BABAM2: variants seen among roughly 807,000 people sequenced by gnomAD.
BABAM2 encodes BRISC and BRCA1 A complex member 2.
In BABAM2, 31 loss-of-function variants were observed where a neutral mutation model predicts 54.7. That is an observed-to-expected ratio of 0.57 (90% CI 0.43 to 0.77). BABAM2 has a LOEUF of 0.77. BABAM2 is among the 30% of genes least tolerant of loss of function. BABAM2 has a pLI of 0.00. For missense variants in BABAM2, 364 were observed against 455.8 expected, an observed-to-expected ratio of 0.80 and a Z score of 1.83; for synonymous variants, 167 against 162.9, an observed-to-expected ratio of 1.03 and a Z score of -0.19.
intron 5 of BABAM2, among the ~76,000 whole-genome samples, chr2:28,025,848 C>G (rs1675616332): frequency 6.6e-6 from 1 of 152,136 alleles, no homozygotes; most frequent in Non-Finnish European, 1.5e-5. Flanking sequence ...TTACATGGTG[C>G]CTTTTATATT....
chr2:28,160,035 G>A (rs940693705), intron 7 of BABAM2, among the ~76,000 whole-genome samples: 2 of 152,142 alleles, frequency 1.3e-5, no homozygotes, highest in Non-Finnish European at 2.9e-5. Context: ...AGGCTAGAGT[G>A]CAATGGGCCA....
At chr2:27,890,457 T>C (rs1471735633), upstream of BABAM2, 1 of 1,051,332 alleles carries the variant, frequency 9.5e-7, no homozygotes, top group Middle Eastern at 2.9e-4. This position sits in a 1 kb window ranked among gnomAD's most constrained non-coding sequence, Gnocchi z 4.8. Context: ...TTCAGACGCC[T>C]ACGCGGGTCG....
chr2:28,164,440 C>T (rs1673426472), intron 7 of BABAM2, among the ~76,000 whole-genome samples: 1 of 151,974 alleles, frequency 6.6e-6, no homozygotes, highest in Non-Finnish European at 1.5e-5. Flanking sequence ...CACACACAGG[C>T]CGCAGAGCCT....
chr2:28,198,021 A>G (rs1677799560), intron 7 of BABAM2, among the ~76,000 whole-genome samples: 1 of 152,180 alleles, frequency 6.6e-6, no homozygotes. Context: ...AGACCCCCAA[A>G]TTGCAATAGC....
intron 7 of BABAM2, among the ~76,000 whole-genome samples, chr2:28,131,026 C>T (rs561620456): frequency 1.3e-5 from 2 of 151,480 alleles, no homozygotes; most frequent in Admixed American, 1.3e-4. Context: ...CAGGCATGAG[C>T]CACAGTGCCT....
rs1666012017 is a variant in BABAM2 at position 27,903,970 on chromosome 2, C to T, written c.128+9286C>T. 3.9e-5 allele frequency among the ~76,000 whole-genome samples: 6 copies of T among 152,210 alleles called. No individual in the cohort carries two copies. In the South Asian group the frequency reaches 1.2e-3, roughly 32 times the overall value. ...GCCAGCATCACTACTCTTGTGCTTT[C>T]CCGAAGCACTTTATTCAGTAAAATA... On this transcript the variant is annotated intron_variant, in intron 2 of 11. Coordinates refer to ENST00000379624, the MANE Select transcript of BABAM2 (RefSeq NM_199191.3).
chr2:27,976,251 A>G (rs1243602864), intron 3 of BABAM2, among the ~76,000 whole-genome samples: 1 of 152,120 alleles, frequency 6.6e-6, no homozygotes. Context: ...AAACATGTAC[A>G]TATATGTTTG....
intron 7 of BABAM2, among the ~76,000 whole-genome samples, chr2:28,147,166 G>A (rs1035583699): frequency 2.0e-5 from 3 of 152,164 alleles, no homozygotes; most frequent in Non-Finnish European, 2.9e-5. Flanking sequence ...TTCTGAACTC[G>A]AAGGTTACAG....
intron 3 of BABAM2, among the ~76,000 whole-genome samples, chr2:27,973,214 T>A (rs1671352323): frequency 6.6e-6 from 1 of 152,136 alleles, no homozygotes. Flanking sequence ...TTATCAGACA[T>A]ACTAAGAAGA....
intron 7 of BABAM2, among the ~76,000 whole-genome samples, chr2:28,178,194 C>G (rs1232520440): frequency 6.6e-6 from 1 of 152,124 alleles, no homozygotes; most frequent in East Asian, 1.9e-4. Flanking sequence ...GCAGAAAATA[C>G]ACACATTCTT....
intron 6 of BABAM2, among the ~76,000 whole-genome samples, chr2:28,115,182 A>AACAC (rs35506654): frequency 0.029 from 4,109 of 142,282 alleles, 76 homozygotes; most frequent in South Asian, 0.058. Flanking sequence ...ATAACTTTAA[A>AACAC]ACACACACAC....
In BABAM2 at chr2:28,026,865, T is replaced by TAAATATATATAA. The variant is rs1675786344; in HGVS notation, c.495+1446_495+1447insAATATATATAAA. ...ATAAATATATATTTATATATATAGA[T>TAAATATATATAA]ATATATATTTATATATATATAGATA... On this transcript the variant is annotated intron_variant, in intron 5 of 11. Transcript: ENST00000379624. 6.5e-4 allele frequency among the ~76,000 whole-genome samples: 32 copies of TAAATATATATAA among 49,578 alleles called. 1 individual carries two copies. The highest frequency in any genetic ancestry group is 3.4e-3 in the African/African-American group (30 of 8,812). The allele number at this position is 49,578 out of a possible 152,430, so 32.5% of individuals were successfully genotyped here.
At chr2:27,950,627 A>G (rs1187830017) in intron 3 of BABAM2, among the ~76,000 whole-genome samples, 1 of 151,482 alleles carries the variant, frequency 6.6e-6, no homozygotes, top group Non-Finnish European at 1.5e-5. Context: ...GCTTTTTCCT[A>G]TTTTTTTCCT....
chr2:28,293,100 T>G (rs1015421765), intron 10 of BABAM2, among the ~76,000 whole-genome samples: 2 of 152,242 alleles, frequency 1.3e-5, no homozygotes, highest in African/African-American at 4.8e-5. Context: ...CTGCGAATTG[T>G]GACTACTTGC....
intron 3 of BABAM2, among the ~76,000 whole-genome samples, chr2:27,949,165 C>T (rs1433645767): frequency 3.9e-5 from 6 of 152,192 alleles, no homozygotes; most frequent in African/African-American, 1.4e-4. Context: ...GTACATTGAA[C>T]TCAAAGTCAC....
chr2:27,958,720 C>T (rs1031149901), intron 3 of BABAM2, among the ~76,000 whole-genome samples: 12 of 151,894 alleles, frequency 7.9e-5, no homozygotes, highest in African/African-American at 2.9e-4. Context: ...TAGCTTCTTG[C>T]CTAACAAATA....
Position 28,079,790 on chromosome 2 carries a change from A to G in BABAM2, c.570+33991A>G, listed in dbSNP as rs538118811. Among the ~76,000 whole-genome samples, 4 of 152,286 alleles carry G rather than the reference A, an allele frequency of 2.6e-5. No individual in the cohort carries two copies. The East Asian group carries it at 7.7e-4, about 29-fold the overall frequency. On this transcript the variant is annotated intron_variant, in intron 6 of 11. Coordinates refer to ENST00000379624, the MANE Select transcript of BABAM2 (RefSeq NM_199191.3). ...GGTGGATTTCATTTCACTGATTGAG[A>G]CAGTGTCATAGACATTAGAAAATAA...
At chr2:28,046,317 G>A (rs1017828690) in intron 6 of BABAM2, among the ~76,000 whole-genome samples, 2 of 152,150 alleles carry the variant, frequency 1.3e-5, no homozygotes, top group East Asian at 1.9e-4. Flanking sequence ...AATATTAGCC[G>A]GGCATGGTGG....
At chr2:27,979,966 G>A (rs1046245690) in intron 3 of BABAM2, among the ~76,000 whole-genome samples, 2 of 152,094 alleles carry the variant, frequency 1.3e-5, no homozygotes, top group Admixed American at 1.3e-4. Flanking sequence ...AGGCACAAGC[G>A]TGTAAATAAA....
Sources: gnomAD v4.1 joint callset for allele counts (sites outside exome capture counted in the v4.1 genomes callset) on GRCh38, gnomAD v4.1.1 for gene constraint, Gnocchi (gnomAD v3.1) non-coding constraint, MANE v1.5 for transcripts, NCBI Gene and HGNC (gene_info 2026-07-23, HGNC 2026-07-21) for gene names.